Variants in GTF3C2 observed in about 807,000 individuals in gnomAD.
GTF3C2 encodes the protein general transcription factor IIIC subunit 2.
GTF3C2 carries 17 observed loss-of-function variants against 117.4 expected under a neutral mutation model. The ratio of observed to expected loss-of-function variants is 0.14; its 90% confidence interval spans 0.10 to 0.22. The LOEUF (loss-of-function observed/expected upper bound fraction) is 0.22, where lower values mean the gene tolerates loss of function less well. GTF3C2 is among the 10% of genes least tolerant of loss of function. The pLI is 1.00. For missense variants in GTF3C2, 888 were observed against 1,143.6 expected (o/e 0.78, Z 3.22); for synonymous variants, 437 against 427.0 (o/e 1.02, Z -0.29).
At chr2:27,335,274 T>A (rs534727789) in intron 10 of GTF3C2, 7 of 512,416 alleles carry the variant, frequency 1.4e-5, no homozygotes, top group Middle Eastern at 9.3e-4. Context: ...GCAGGGGAGA[T>A]GGGCCCTATC....
chr2:27,345,999 G>A lies in GTF3C2; in HGVS notation c.-24-2421C>T, dbSNP rs1413557136. On this transcript the variant is annotated intron_variant, in intron 1 of 18. Coordinates refer to ENST00000264720, the Ensembl canonical transcript of GTF3C2. Reference sequence around the variant, plus strand: ...CAAAGTGCTAGGATTACAGACTTGAGCCACTGTGCCCCGCCACTTTTTTTT... The same window carrying A: ...CAAAGTGCTAGGATTACAGACTTGAACCACTGTGCCCCGCCACTTTTTTTT... Among the ~76,000 whole-genome samples the A allele has an allele frequency of 2.2e-4, 32 of 147,848 alleles. No individual in the cohort carries two copies. In the East Asian group the frequency reaches 6.0e-3, roughly 28 times the overall value.
At chr2:27,354,072 A>AAG (rs1553392127) in intron 1 of GTF3C2, among the ~76,000 whole-genome samples, 2 of 150,186 alleles carry the variant, frequency 1.3e-5, no homozygotes, top group African/African-American at 2.5e-5. Flanking sequence ...AAAAAAAAAA[A>AAG]GGGTGGGAGC....
At chr2:27,343,639 T>C in intron 1 of GTF3C2, 61 bp from the exon 2 acceptor site, 2 of 1,377,478 alleles carry the variant, frequency 1.5e-6, no homozygotes, top group Non-Finnish European at 2.0e-6. Context: ...GCTCAGATTT[T>C]TATTTCCCCA....
At chr2:27,346,329 CCTTTTTTTTTTTTTTTTT>C (rs1680914910) in intron 1 of GTF3C2, among the ~76,000 whole-genome samples, 1 of 117,396 alleles carries the variant, frequency 8.5e-6, no homozygotes, top group African/African-American at 3.0e-5. Context: ...CATTCTGATA[CCTTTTTTTTTTTTTTTTT>C]TTTTTTTTTT....
At position 27,341,887 on chromosome 2, in the gene GTF3C2, C is replaced by T. The variant is rs189416002; in HGVS notation, c.855+61G>A. 7.9e-6 allele frequency: 11 copies of T among 1,394,366 alleles called. No individual in the cohort carries two copies. In the Admixed American group the frequency reaches 9.0e-5, roughly 11 times the overall value. 86.4% of individuals were successfully genotyped at this position (1,394,366 alleles called of 1,614,324 possible). On this transcript the variant is annotated intron_variant, in intron 4 of 18. Coordinates refer to ENST00000264720, the Ensembl canonical transcript of GTF3C2. ...CAAAGCTGTCCTTCCTTTCTCAGTA[C>T]CTTGCTGGTCCCCTAAAATCCTACT...
intron 17 of GTF3C2, 73 bp downstream of exon 17, chr2:27,327,962 GGC>G (rs1680143810): frequency 6.4e-6 from 8 of 1,251,432 alleles, no homozygotes; most frequent in Non-Finnish European, 9.0e-6. Context: ...GCTGAACTCA[GGC>G]TTGCGTACTA....
Position 27,329,215 on chromosome 2 carries a change from G to T in GTF3C2, c.1945C>A (p.Pro649Thr), listed in dbSNP as rs1680196346. 2.5e-6 allele frequency: 4 copies of T among 1,614,040 alleles called. No homozygotes were observed. Among genetic ancestry groups the T allele is most frequent in the Non-Finnish European group, 1.7e-6 (2 of 1,179,922 alleles). The stretch of plus-strand genomic sequence containing the variant: ...AAGAAGCGCTTGATAGAGTTTATGG[G>T]TTCGTAAGGACGTCGAAGGTCCCAG... Residue 649 changes from proline (P) to threonine (T), a missense_variant, in exon 14 of 19, where the codon CCC becomes ACC. Coordinates refer to ENST00000264720, the Ensembl canonical transcript of GTF3C2. This position sits in a 1 kb window ranked among gnomAD's most constrained non-coding sequence, Gnocchi z 4.5.
intron 12 of GTF3C2, among the ~76,000 whole-genome samples, chr2:27,331,271 T>C (rs980861330): frequency 1.5e-4 from 23 of 152,164 alleles, no homozygotes; most frequent in Non-Finnish European, 4.4e-5. Context: ...AAAAGACGTG[T>C]AAGAGTGCTA....
chr2:27,337,878 C>T, intron 5 of GTF3C2, 48 bp downstream of exon 5: 1 of 1,098,156 alleles, frequency 9.1e-7, no homozygotes, highest in South Asian at 1.2e-5. Flanking sequence ...CCCTTGCACT[C>T]CTCTACCACC....
chr2:27,326,087 C>G, exon 19 of GTF3C2: 1 of 400,640 alleles, frequency 2.5e-6, no homozygotes, highest in South Asian at 1.9e-5. Context: ...ACTTCGTAAG[C>G]AGGAGCAAGT....
chr2:27,328,055 G>A, exon 17 of GTF3C2: 1 of 1,609,136 alleles, frequency 6.2e-7, no homozygotes, highest in Non-Finnish European at 8.5e-7. Context: ...TGTCTTGAAA[G>A]AGCAAGTAGT....
chr2:27,345,715 C>CT (rs747679500), intron 1 of GTF3C2, among the ~76,000 whole-genome samples: 1,734 of 139,934 alleles, frequency 0.012, 34 homozygotes, highest in African/African-American at 0.037. Flanking sequence ...AAAGCTTTTC[C>CT]TTTTTTTTTT....
chr2:27,342,049 C>G (rs1680754086), exon 4 of GTF3C2: 6 of 1,614,136 alleles, frequency 3.7e-6, no homozygotes, highest in Non-Finnish European at 4.2e-6. Context: ...TCAGCCTCAA[C>G]CTGGAGAAAA....
intron 1 of GTF3C2, among the ~76,000 whole-genome samples, chr2:27,347,387 A>G (rs1680955388): frequency 6.6e-6 from 1 of 152,230 alleles, no homozygotes; most frequent in Admixed American, 6.6e-5. Context: ...AACTATAGCA[A>G]TGGCCAACCC....
At chr2:27,336,869 C>A in intron 7 of GTF3C2, 1 of 231,766 alleles carries the variant, frequency 4.3e-6, no homozygotes. Flanking sequence ...TTTGGCCTCC[C>A]AAAGTGCTGA....
intron 1 of GTF3C2, among the ~76,000 whole-genome samples, chr2:27,349,592 T>C (rs927899893): frequency 2.0e-5 from 3 of 150,678 alleles, no homozygotes; most frequent in Non-Finnish European, 2.9e-5. Context: ...TTGATGACAA[T>C]AGTAAAGTCG....
chr2:27,351,505 T>C (rs952500552), intron 1 of GTF3C2, among the ~76,000 whole-genome samples: 5 of 152,186 alleles, frequency 3.3e-5, no homozygotes, highest in African/African-American at 1.2e-4. Context: ...AATGGCTCCA[T>C]AAACAAGTTG....
At chr2:27,337,445 C>T (rs1410767966) in intron 6 of GTF3C2, 36 bp downstream of exon 6, 3 of 1,523,046 alleles carry the variant, frequency 2.0e-6, no homozygotes, top group South Asian at 1.1e-5. Context: ...AGTGGTGTCA[C>T]CCTTCCTAAG....
intron 9 of GTF3C2, 97 bp from the exon 10 acceptor site, chr2:27,335,803 G>T: frequency 9.2e-7 from 1 of 1,081,738 alleles, no homozygotes; most frequent in Non-Finnish European, 1.4e-6. Flanking sequence ...GAAGTTGCTG[G>T]AAAAACTCCA....
Sources: allele counts gnomAD v4.1 joint callset (sites outside exome capture counted in the v4.1 genomes callset), GRCh38; gene constraint gnomAD v4.1.1; non-coding constraint Gnocchi (gnomAD v3.1); transcripts MANE v1.5; gene names NCBI Gene and HGNC (gene_info 2026-07-23, HGNC 2026-07-21).